Variants in ZNF614 observed in about 807,000 individuals in gnomAD.
ZNF614 encodes the protein zinc finger protein 614.
Under a neutral mutation model 12.8 loss-of-function variants are expected in ZNF614, and 11 were observed. That is an observed-to-expected ratio of 0.86 (90% CI 0.54 to 1.43). The LOEUF is 1.43. Among genes scored for constraint, ZNF614 ranks in the 40% most tolerant of loss-of-function variants. The probability of loss-of-function intolerance (pLI) is 0.00; values close to 1 mark genes in which losing one functional copy is unlikely to be tolerated. For missense variants in ZNF614, 664 were observed against 708.8 expected (o/e 0.94, Z 0.72); for synonymous variants, 237 against 237.5 (o/e 1.00, Z 0.02).
rs190919960 is a variant in ZNF614, at chr19:52,016,491, T to C, written c.1107A>G (p.Lys369=). The C allele has an allele frequency of 1.9e-5, 30 of 1,614,100 alleles. No homozygotes were observed. The African/African-American group carries it at 3.3e-4, about 18-fold the overall frequency. Residue 369 remains lysine (K), a synonymous_variant, in exon 5 of 5, where the codon AAA becomes AAG. Coordinates refer to ENST00000270649, the MANE Select transcript of ZNF614 (RefSeq NM_025040.4). ...TTCCACATTCACTGCACATATAGGG[T>C]TTCTCTCCAGTATGAGTTCGCTGAT... ...VVHQRTHTGE[K]PYMCSECGKG...
chr19:52,027,534 G>A (rs977067252), intron 1 of ZNF614, among the ~76,000 whole-genome samples: 5 of 152,200 alleles, frequency 3.3e-5, no homozygotes, highest in Non-Finnish European at 2.9e-5. Context: ...CTTGGACCAC[G>A]TGGTATTAGT....
In ZNF614 at chr19:52,016,748, C is replaced by G; in HGVS notation, c.850G>C (p.Glu284Gln). ...LITHQQTHTEEKSYMCSECGK... is the reference protein window; with the variant it reads ...LITHQQTHTEQKSYMCSECGK... The stretch of plus-strand genomic sequence containing the variant: ...CACTCACTGCACATATAGGATTTCT[C>G]TTCTGTATGGGTTTGTTGATGTGTA... The change falls in exon 5 of 5, where the codon GAG (glutamate) becomes CAG (glutamine). Residue 284 changes from glutamate (E) to glutamine (Q), a missense_variant. Glu to Gln is a conservative substitution (Grantham distance 29). Transcript: ENST00000270649. 1.2e-6 allele frequency: 2 copies of G among 1,614,168 alleles called. No homozygotes were observed. Among genetic ancestry groups the G allele is most frequent in the Non-Finnish European group, 1.7e-6 (2 of 1,180,042 alleles).
rs9636139 is a variant in ZNF614 at position 52,018,043 on chromosome 19, G to A, written c.203C>T (p.Thr68Ile). 517,692 of 1,612,168 alleles carry A rather than the reference G, an allele frequency of 0.32. 95,369 individuals carry two copies. Among genetic ancestry groups the A allele is most frequent in the African/African-American group, 0.71 (53,470 of 74,906 alleles). Residue 68 changes from threonine to isoleucine, a missense_variant, in exon 4 of 5, where the codon ACA (threonine) becomes ATA (isoleucine). Transcript: ENST00000270649. ...SKLAHGQEPW[T>I]TDAKIQNKNC... ...TTTATTCTGAATTTTAGCATCTGTT[G>A]TCCATGGTTCTTGTCCATGTGCCAA... is the stretch of plus-strand genomic sequence containing the variant.
Position 52,018,002 on chromosome 19 carries a change from A to G in ZNF614, c.238+6T>C. The G allele has an allele frequency of 6.2e-7, 1 of 1,611,568 alleles. No homozygotes were observed. On this transcript the variant is annotated splice_donor_region_variant and intron_variant, in intron 4 of 4. Transcript: ENST00000270649. ...ATAGCCACTGTCCTTGCTGGTTCTC[A>G]CTTACCTGGACAATTTTTATTCTGA...
At position 52,014,553 on chromosome 19, in the gene ZNF614, A is replaced by G. The variant is rs1344673346; in HGVS notation, c.*1287T>C. 6.6e-6 allele frequency: 1 copy of G among 152,210 alleles called. No individual in the cohort carries two copies. Among genetic ancestry groups the G allele is most frequent in the Non-Finnish European group, 1.5e-5 (1 of 68,036 alleles). The allele number at this position is 152,210 out of a possible 1,614,324, so 9.4% of individuals were successfully genotyped here. On this transcript the variant is annotated 3_prime_UTR_variant, in exon 5 of 5. Transcript: ENST00000270649. ...CAGCGTACTTTGTTTTACTGGTTAT[A>G]AAGGACGCAAATGAACACTCAAATG... is the stretch of plus-strand genomic sequence containing the variant.
chr19:52,027,335 T>C (rs1452010165), intron 1 of ZNF614, among the ~76,000 whole-genome samples: 1 of 152,252 alleles, frequency 6.6e-6, no homozygotes, highest in Non-Finnish European at 1.5e-5. Context: ...TCACAAGAAC[T>C]GTCTCATTTC....
rs1388689876 is a variant in ZNF614, at chr19:52,025,911, C to G, written c.-166G>C. On this transcript the variant is annotated 5_prime_UTR_variant, in exon 2 of 5. Transcript: ENST00000270649. Reference sequence around the variant, plus strand: ...AAGGCCAGCAACCTCCTTCTTCTTCCTTCATTGCTTCACTTGAGTTATTTT... The same window carrying G: ...AAGGCCAGCAACCTCCTTCTTCTTCGTTCATTGCTTCACTTGAGTTATTTT... The G allele has an allele frequency of 3.0e-5, 20 of 665,484 alleles. No individual in the cohort carries two copies. The highest frequency in any genetic ancestry group is 4.8e-5 in the Non-Finnish European group (19 of 392,722). The allele number at this position is 665,484 out of a possible 1,614,324, so 41.2% of individuals were successfully genotyped here.
At chr19:52,020,535 C>T (rs1421739252) in intron 2 of ZNF614, among the ~76,000 whole-genome samples, 1 of 152,196 alleles carries the variant, frequency 6.6e-6, no homozygotes, top group Non-Finnish European at 1.5e-5. Context: ...CAGCGAGGCG[C>T]ACCTAAACTT....
intron 2 of ZNF614, among the ~76,000 whole-genome samples, chr19:52,023,273 A>G (rs919847959): frequency 6.7e-6 from 1 of 150,128 alleles, no homozygotes; most frequent in South Asian, 2.1e-4. Context: ...GGTTCAAGGG[A>G]TTCTCCTGCC....
At chr19:52,019,104 C>T (rs985341479) in intron 2 of ZNF614, among the ~76,000 whole-genome samples, 3 of 152,016 alleles carry the variant, frequency 2.0e-5, no homozygotes, top group African/African-American at 4.8e-5. Context: ...CCTCCTGCCT[C>T]GGCCTTCCAA....
chr19:52,017,357 T>A lies in ZNF614; in HGVS notation c.241A>T (p.Ile81Phe), dbSNP rs2086905966. ...AKIQNKNCPG[I>F]GKVDSHLQEH... ...TGCAGATGACTGTCAACTTTCCCGA[T>A]TCCTAAGAAAGAACAGAGTAACAAA... Residue 81 changes from isoleucine (I) to phenylalanine (F), a missense_variant and splice_region_variant, in exon 5 of 5, where the codon ATC (isoleucine) becomes TTC (phenylalanine). Physicochemically the swap from Ile to Phe is conservative, Grantham distance 21. Coordinates refer to ENST00000270649, the MANE Select transcript of ZNF614 (RefSeq NM_025040.4). 3 of 1,587,334 alleles carry A rather than the reference T, an allele frequency of 1.9e-6. No individual in the cohort carries two copies. Among genetic ancestry groups the A allele is most frequent in the South Asian group, 1.1e-5 (1 of 87,680 alleles).
At chr19:52,024,467 A>G (rs1328047630) in intron 2 of ZNF614, among the ~76,000 whole-genome samples, 2 of 152,200 alleles carry the variant, frequency 1.3e-5, no homozygotes, top group Non-Finnish European at 2.9e-5. Context: ...AAAACCCCAC[A>G]TATCTGGTGT....
chr19:52,019,105 G>A (rs915042953), intron 2 of ZNF614, among the ~76,000 whole-genome samples: 4 of 151,868 alleles, frequency 2.6e-5, no homozygotes, highest in African/African-American at 9.7e-5. Context: ...CTCCTGCCTC[G>A]GCCTTCCAAA....
chr19:52,017,325 G>T lies in ZNF614; in HGVS notation c.273C>A (p.His91Gln). Residue 91 changes from histidine to glutamine, a missense_variant, in exon 5 of 5, where the codon CAC becomes CAA. By Grantham distance (24) the His-to-Gln change is conservative. Transcript: ENST00000270649. ...IGKVDSHLQE[H>Q]SPNQRLLKSV... ...TCTTCAGAAGTCTTTGGTTTGGAGA[G>T]TGCTCTTGCAGATGACTGTCAACTT... The T allele has an allele frequency of 1.9e-6, 3 of 1,605,844 alleles. No homozygotes were observed. Among genetic ancestry groups the T allele is most frequent in the Non-Finnish European group, 1.7e-6 (2 of 1,176,126 alleles).
chr19:52,016,942 T>G lies in ZNF614; in HGVS notation c.656A>C (p.Gln219Pro). 1 of 1,614,210 alleles carries G rather than the reference T, an allele frequency of 6.2e-7. No individual in the cohort carries two copies. The highest frequency in any genetic ancestry group is 8.5e-7 in the Non-Finnish European group (1 of 1,180,040). ...ACAAATGTTCTCATGGTAAATGAGC[T>G]GAGACTTCCTAAGGAAGGTTTGCTC... ...ECEQTFLRKS[Q>P]LIYHENICIQ... The change falls in exon 5 of 5, where the codon CAG becomes CCG. Residue 219 changes from glutamine to proline, a missense_variant. Coordinates refer to ENST00000270649, the MANE Select transcript of ZNF614 (RefSeq NM_025040.4).
rs1310812615 is a variant in ZNF614 at position 52,018,046 on chromosome 19, C to T, written c.200G>A (p.Trp67Ter). The T allele has an allele frequency of 1.9e-6, 3 of 1,614,026 alleles. No homozygotes were observed. Among genetic ancestry groups the T allele is most frequent in the South Asian group, 1.1e-5 (1 of 91,058 alleles). ...LSKLAHGQEP[W>*]TTDAKIQNKN... ...ATTCTGAATTTTAGCATCTGTTGTC[C>T]ATGGTTCTTGTCCATGTGCCAACTT... Residue 67 changes from tryptophan (W) to a stop codon, truncating the protein, a stop_gained, in exon 4 of 5, where the codon TGG becomes TAG. Transcript: ENST00000270649. LOFTEE classifies it low-confidence loss of function (END_TRUNC).
intron 4 of ZNF614, chr19:52,017,765 C>T: frequency 7.8e-6 from 3 of 386,578 alleles, no homozygotes; most frequent in Non-Finnish European, 9.1e-6. Context: ...TTATTGTCAA[C>T]TCTACGATCC....
intron 2 of ZNF614, among the ~76,000 whole-genome samples, chr19:52,022,830 T>C (rs1038633278): frequency 2.6e-5 from 4 of 151,986 alleles, no homozygotes; most frequent in African/African-American, 9.7e-5. Context: ...GGGCAAGATA[T>C]GGAAGAGGGT....
chr19:52,026,693 A>G (rs1371305671), intron 1 of ZNF614, among the ~76,000 whole-genome samples: 1 of 152,198 alleles, frequency 6.6e-6, no homozygotes, highest in African/African-American at 2.4e-5. Context: ...GATAAGAGAA[A>G]GGCATCTGTC....
Sources: gnomAD v4.1 joint callset for allele counts (sites outside exome capture counted in the v4.1 genomes callset) on GRCh38, gnomAD v4.1.1 for gene constraint, MANE v1.5 for transcripts, NCBI Gene and HGNC (gene_info 2026-07-23, HGNC 2026-07-21) for gene names.